Variants in RALGPS1 observed in about 807,000 individuals in gnomAD.
RALGPS1 encodes the protein ras-specific guanine nucleotide-releasing factor RalGPS1.
Under a neutral mutation model 78.8 loss-of-function variants are expected in RALGPS1, and 19 were observed. The observed-to-expected ratio is 0.24, with a 90% CI of 0.17 to 0.35. The LOEUF (loss-of-function observed/expected upper bound fraction) is 0.35. RALGPS1 is among the 10% of genes least tolerant of loss of function. RALGPS1 has a pLI of 1.00. For synonymous variants in RALGPS1, 228 were observed against 256.3 expected, an observed-to-expected ratio of 0.89 and a Z score of 1.06; for missense variants, 454 against 688.3, an observed-to-expected ratio of 0.66 and a Z score of 3.81.
intron 8 of RALGPS1, among the ~76,000 whole-genome samples, chr9:127,140,384 T>C (rs1326935562): frequency 2.0e-5 from 3 of 152,220 alleles, no homozygotes; most frequent in Non-Finnish European, 4.4e-5. Context: ...CTGAACGGGA[T>C]GTACCCAGGG....
At chr9:127,046,960 GA>G (rs1486477591) in intron 5 of RALGPS1, among the ~76,000 whole-genome samples, 1 of 150,132 alleles carries the variant, frequency 6.7e-6, no homozygotes, top group African/African-American at 2.4e-5. Context: ...TTGAAACTGT[GA>G]AATACCATTT....
Position 127,080,862 on chromosome 9 carries a change from G to T in RALGPS1, c.610+11506G>T, listed in dbSNP as rs369550230. Among the ~76,000 whole-genome samples, 51 of 152,292 alleles carry T rather than the reference G, an allele frequency of 3.3e-4. No homozygotes were observed. The South Asian group carries it at 0.011, about 32-fold the overall frequency. On this transcript the variant is annotated intron_variant, in intron 8 of 18. Coordinates refer to ENST00000259351, the MANE Select transcript of RALGPS1 (RefSeq NM_014636.3). ...TGTGGATTTCAGATTTTCAGATTAGGTTTGCTCAACAGGTAAGTATAATGC... is the reference window on the plus strand; with the variant it reads ...TGTGGATTTCAGATTTTCAGATTAGTTTTGCTCAACAGGTAAGTATAATGC...
rs550027249 is a variant in RALGPS1 at position 127,211,380 on chromosome 9, A to C, written c.1248-751A>C. ...AGGAAGGTCCAGTGGCCTGAGGTGTAGTGGGATGGCGAAGATGGATGGTCA... is the reference window on the plus strand; with the variant it reads ...AGGAAGGTCCAGTGGCCTGAGGTGTCGTGGGATGGCGAAGATGGATGGTCA... On this transcript the variant is annotated intron_variant, in intron 14 of 18. Coordinates refer to ENST00000259351, the MANE Select transcript of RALGPS1 (RefSeq NM_014636.3). This position sits in a 1 kb window ranked among gnomAD's most constrained non-coding sequence, Gnocchi z 5.0. 1.3e-5 allele frequency among the ~76,000 whole-genome samples: 2 copies of C among 152,160 alleles called. No homozygotes were observed. The highest frequency in any genetic ancestry group is 1.3e-4 in the Admixed American group (2 of 15,278).
chr9:126,975,437 C>T (rs887128516), intron 3 of RALGPS1, among the ~76,000 whole-genome samples: 2 of 152,202 alleles, frequency 1.3e-5, no homozygotes, highest in African/African-American at 2.4e-5. Context: ...CATTAGCAGA[C>T]GTTTGGTTCT....
intron 4 of RALGPS1, among the ~76,000 whole-genome samples, chr9:126,988,442 T>C (rs760832873): frequency 2.6e-5 from 4 of 152,176 alleles, no homozygotes; most frequent in African/African-American, 4.8e-5. Flanking sequence ...AGTCCTGCTA[T>C]GTTGCCCAGG....
intron 3 of RALGPS1, among the ~76,000 whole-genome samples, chr9:126,967,836 C>T (rs2039678951): frequency 6.6e-6 from 1 of 152,088 alleles, no homozygotes; most frequent in African/African-American, 2.4e-5. Flanking sequence ...CCACTCCCAG[C>T]CTATATAATA....
Position 127,091,685 on chromosome 9 carries a change from G to A in RALGPS1, c.610+22329G>A, listed in dbSNP as rs141583250. 33 of 1,613,670 alleles carry A rather than the reference G, an allele frequency of 2.0e-5. No homozygotes were observed. In the African/African-American group the frequency reaches 2.1e-4, roughly 10 times the overall value. On this transcript the variant is annotated intron_variant, in intron 8 of 18. Coordinates refer to ENST00000259351, the MANE Select transcript of RALGPS1 (RefSeq NM_014636.3). The surrounding 1 kb of genome is among the most constrained non-coding windows in gnomAD (Gnocchi z 4.3). ...CTTTTCCTACCTGTGTAGACATCAT[G>A]ATCTCTGTCCAGGGTGGTGAACTGC...
Position 127,199,058 on chromosome 9 carries a change from G to A in RALGPS1, c.1239G>A (p.Gly413=), listed in dbSNP as rs758098942. 1 of 1,614,052 alleles carries A rather than the reference G, an allele frequency of 6.2e-7. No individual in the cohort carries two copies. The highest frequency in any genetic ancestry group is 1.1e-5 in the South Asian group (1 of 91,082). The change falls in exon 14 of 19, where the codon GGG becomes GGA. Residue 413 remains glycine (G), a synonymous_variant. Transcript: ENST00000259351. ...AGTTTAGTGAAGAGATGTCTTCAGG[G>A]CTGGAAAGGTGAGTGTGGCCTCAGC... The part of the protein sequence containing the change: ...SSEFSEEMSS[G]LESPTGPCIC...
intron 8 of RALGPS1, among the ~76,000 whole-genome samples, chr9:127,078,234 G>A (rs192070110): frequency 1.3e-5 from 2 of 152,246 alleles, no homozygotes; most frequent in East Asian, 3.9e-4. Flanking sequence ...GCTACATTTT[G>A]TTTCAAATCT....
At chr9:126,948,725 C>T (rs1365415494) in intron 1 of RALGPS1, among the ~76,000 whole-genome samples, 3 of 152,036 alleles carry the variant, frequency 2.0e-5, no homozygotes, top group Non-Finnish European at 4.4e-5. Context: ...GTGCCGGCCC[C>T]CAATTCAGCT....
At chr9:127,003,071 A>T (rs1435042288) in intron 4 of RALGPS1, among the ~76,000 whole-genome samples, 1 of 152,198 alleles carries the variant, frequency 6.6e-6, no homozygotes, top group Non-Finnish European at 1.5e-5. Flanking sequence ...CAACAGTGTA[A>T]AAGTGTTCCT....
intron 4 of RALGPS1, among the ~76,000 whole-genome samples, chr9:126,997,240 A>G (rs920769003): frequency 3.3e-5 from 5 of 152,278 alleles, no homozygotes; most frequent in African/African-American, 9.6e-5. Context: ...AGGAAGTCAG[A>G]TTGTCCGTTT....
chr9:127,213,271 T>C (rs79078077), intron 17 of RALGPS1, among the ~76,000 whole-genome samples: 3,567 of 152,308 alleles, frequency 0.023, 140 homozygotes, highest in African/African-American at 0.081. Context: ...GGAATCCTTT[T>C]TGCAGCCTTA....
intron 4 of RALGPS1, among the ~76,000 whole-genome samples, chr9:127,008,127 T>C (rs567274508): frequency 7.5e-6 from 1 of 133,626 alleles, no homozygotes; most frequent in Non-Finnish European, 1.7e-5. Flanking sequence ...GTCTGGTCAA[T>C]TGGGAGACTG....
chr9:127,186,290 T>C (rs1336352152), intron 11 of RALGPS1, among the ~76,000 whole-genome samples: 1 of 152,240 alleles, frequency 6.6e-6, no homozygotes, highest in Non-Finnish European at 1.5e-5. Context: ...GGAAAAATTA[T>C]GCTGAGGAAA....
In RALGPS1 at chr9:127,002,744, A is replaced by G. The variant is rs987366723; in HGVS notation, c.216+24999A>G. Among the ~76,000 whole-genome samples, 11 of 151,466 alleles carry G rather than the reference A, an allele frequency of 7.3e-5. No individual in the cohort carries two copies. In the South Asian group the frequency reaches 8.4e-4, roughly 12 times the overall value. On this transcript the variant is annotated intron_variant, in intron 4 of 18. Coordinates refer to ENST00000259351, the MANE Select transcript of RALGPS1 (RefSeq NM_014636.3). ...AGTTTACTGAGAATGATGATTTCCA[A>G]TTTCATCCATGTCCTTACAAAGGAC...
At chr9:126,979,576 G>T (rs556241366) in intron 4 of RALGPS1, among the ~76,000 whole-genome samples, 2 of 152,152 alleles carry the variant, frequency 1.3e-5, no homozygotes, top group African/African-American at 2.4e-5. Context: ...CCCACCTGCC[G>T]TGAGCCCTGA....
chr9:127,138,483 A>C (rs1472504203), intron 8 of RALGPS1, among the ~76,000 whole-genome samples: 1 of 152,210 alleles, frequency 6.6e-6, no homozygotes, highest in Non-Finnish European at 1.5e-5. Flanking sequence ...CCACAGTGAC[A>C]GTGCAAGAGG....
At chr9:127,085,359 G>T (rs2051599249) in intron 8 of RALGPS1, among the ~76,000 whole-genome samples, 1 of 152,194 alleles carries the variant, frequency 6.6e-6, no homozygotes, top group African/African-American at 2.4e-5. Flanking sequence ...GTCCTTAAAA[G>T]GTCACTGATG....
Sources: allele counts gnomAD v4.1 joint callset (sites outside exome capture counted in the v4.1 genomes callset), GRCh38; gene constraint gnomAD v4.1.1; non-coding constraint Gnocchi (gnomAD v3.1); transcripts MANE v1.5; gene names NCBI Gene and HGNC (gene_info 2026-07-23, HGNC 2026-07-21).